The following NUP133 variants were observed in gnomAD, a reference collection of about 807,000 sequenced individuals.
NUP133 encodes nuclear pore complex protein Nup133.
In NUP133, 66 loss-of-function variants were observed where a neutral mutation model predicts 146.2. The observed-to-expected ratio is 0.45, with a 90% CI of 0.37 to 0.55. NUP133 has a LOEUF of 0.55. NUP133 is among the 20% of genes least tolerant of loss of function. The pLI, the probability that NUP133 is intolerant of heterozygous loss-of-function variation, is 0.00. For synonymous variants in NUP133, 521 were observed against 498.8 expected (o/e 1.04, Z -0.59); for missense variants, 1,277 against 1,374.8 (o/e 0.93, Z 1.12).
At position 229,450,546 on chromosome 1, in the gene NUP133, G is replaced by A; in HGVS notation, c.3159C>T (p.Asp1053=). ...TTACCTCATCAATATATTCCAACAA[G>A]TCCAAAGCTTTCTTGAAATCATATT... ...ANEYDFKKAL[D]LLEYIDEEED... The change falls in exon 23 of 26, where the codon GAC becomes GAT. Residue 1053 remains aspartate (D), a synonymous_variant. Transcript: ENST00000261396. The A allele has an allele frequency of 3.2e-6, 5 of 1,584,978 alleles. No individual in the cohort carries two copies. The highest frequency in any genetic ancestry group is 4.3e-6 in the Non-Finnish European group (5 of 1,158,896).
At chr1:229,485,975 C>A (rs12083553) in intron 11 of NUP133, among the ~76,000 whole-genome samples, 3,693 of 152,110 alleles carry the variant, frequency 0.024, 148 homozygotes, top group African/African-American at 0.083. Flanking sequence ...CCAGCCTAGG[C>A]AACATAAGGA....
intron 18 of NUP133, among the ~76,000 whole-genome samples, 187 bp downstream of exon 18, chr1:229,464,437 T>C (rs906014149): frequency 6.6e-6 from 1 of 152,246 alleles, no homozygotes; most frequent in African/African-American, 2.4e-5. Context: ...GTATCATCTA[T>C]GGTACTTATA....
intron 2 of NUP133, 82 bp downstream of exon 2, chr1:229,505,958 G>A: frequency 1.2e-6 from 1 of 809,678 alleles, no homozygotes; most frequent in South Asian, 1.5e-5. Flanking sequence ...GTATACTAGA[G>A]AAAACATAAA....
chr1:229,500,747 G>C lies in NUP133; in HGVS notation c.513+9C>G. ...AAAGTTTATTTAAATAAGCTTTTAA[G>C]TCACCTACCTGAGTAGAATGTGCTT... On this transcript the variant is annotated intron_variant, in intron 4 of 25. Coordinates refer to ENST00000261396, the MANE Select transcript of NUP133 (RefSeq NM_018230.3). The C allele has an allele frequency of 1.9e-6, 3 of 1,560,472 alleles. No individual in the cohort carries two copies. Among genetic ancestry groups the C allele is most frequent in the Non-Finnish European group, 2.6e-6 (3 of 1,137,824 alleles).
chr1:229,504,670 G>T (rs1403854258), intron 2 of NUP133, among the ~76,000 whole-genome samples: 1 of 152,084 alleles, frequency 6.6e-6, no homozygotes, highest in South Asian at 2.1e-4. Flanking sequence ...CCAGTTTTGG[G>T]GTTTCACGGG....
At chr1:229,502,201 T>A in intron 2 of NUP133, 99 bp from the exon 3 acceptor site, 3 of 799,390 alleles carry the variant, frequency 3.8e-6, no homozygotes, top group Non-Finnish European at 2.1e-6. Flanking sequence ...CAGAAACGAC[T>A]ACCTCACAAC....
Position 229,441,360 on chromosome 1 carries a change from T to G in NUP133, c.*544A>C. On this transcript the variant is annotated 3_prime_UTR_variant, in exon 26 of 26. Transcript: ENST00000261396. ...GTTTAAAATGCTCCCAATGAGTTCA[T>G]CAGTTATCAAGCTCACATGAGTTAG... 1 of 524,790 alleles carries G rather than the reference T, an allele frequency of 1.9e-6. No individual in the cohort carries two copies. The highest frequency in any genetic ancestry group is 1.4e-5 in the South Asian group (1 of 69,656). The allele number at this position is 524,790 out of a possible 1,614,324, so 32.5% of individuals were successfully genotyped here. A position where few individuals can be genotyped will look rare whatever the true frequency, so the allele number is the denominator to read the frequency against.
chr1:229,448,000 T>C (rs1413269352), intron 24 of NUP133, among the ~76,000 whole-genome samples: 1 of 151,732 alleles, frequency 6.6e-6, no homozygotes, highest in Non-Finnish European at 1.5e-5. Context: ...ACCAAGAGAG[T>C]GGTCTCTAGT....
chr1:229,465,232 A>T (rs576966514), intron 17 of NUP133, among the ~76,000 whole-genome samples, 188 bp downstream of exon 17: 1 of 152,364 alleles, frequency 6.6e-6, no homozygotes, highest in South Asian at 2.1e-4. Flanking sequence ...TTGAATACAT[A>T]AATTATAGAG....
intron 12 of NUP133, among the ~76,000 whole-genome samples, chr1:229,483,390 C>A (rs917073189): frequency 6.6e-6 from 1 of 152,096 alleles, no homozygotes; most frequent in Non-Finnish European, 1.5e-5. Context: ...TGTGAGCCAC[C>A]ACACCAGGCC....
chr1:229,491,887 C>G (rs1264312981), intron 8 of NUP133, among the ~76,000 whole-genome samples: 1 of 152,204 alleles, frequency 6.6e-6, no homozygotes, highest in Non-Finnish European at 1.5e-5. Flanking sequence ...CAAGACCAAA[C>G]AGGGCAACCC....
chr1:229,477,430 G>A (rs1272783838), intron 13 of NUP133, among the ~76,000 whole-genome samples, 167 bp downstream of exon 13: 1 of 136,766 alleles, frequency 7.3e-6, no homozygotes, highest in Non-Finnish European at 1.5e-5. Context: ...ACAGAGCCTT[G>A]CTCTGTCTCA....
intron 12 of NUP133, among the ~76,000 whole-genome samples, chr1:229,478,842 A>G (rs1020787704): frequency 2.0e-5 from 3 of 152,358 alleles, no homozygotes; most frequent in South Asian, 4.1e-4. Flanking sequence ...AGTCTGTTCC[A>G]GTGTCCCAAA....
rs559486035 is a variant in NUP133 at position 229,470,808 on chromosome 1, G to A, written c.1852-4C>T. The stretch of plus-strand genomic sequence containing the variant: ...CTAGACGTCCAAATAAGCCAACCTT[G>A]CAAAAAGGCAAACACATATTCTCAG... On this transcript the variant is annotated splice_region_variant and splice_polypyrimidine_tract_variant and intron_variant, in intron 14 of 25. Transcript: ENST00000261396. 4 of 1,611,210 alleles carry A rather than the reference G, an allele frequency of 2.5e-6. No individual in the cohort carries two copies. The East Asian group carries it at 8.9e-5, about 36-fold the overall frequency.
At chr1:229,489,569 C>T (rs1020538247) in intron 9 of NUP133, among the ~76,000 whole-genome samples, 5 of 152,186 alleles carry the variant, frequency 3.3e-5, no homozygotes, top group African/African-American at 7.2e-5. Context: ...AAATCTGTCA[C>T]GAAATTTGAC....
rs372362492 is a variant in NUP133, at chr1:229,472,707, C to CATATATATAT, written c.1852-1913_1852-1904dup. Among the ~76,000 whole-genome samples, 52 of 124,292 alleles carry CATATATATAT rather than the reference C, an allele frequency of 4.2e-4. 3 individuals are homozygous for CATATATATAT. Among genetic ancestry groups the CATATATATAT allele is most frequent in the Middle Eastern group, 4.5e-3 (1 of 222 alleles). 81.5% of individuals were successfully genotyped at this position (124,292 alleles called of 152,430 possible). ...CAAAAAAATTAAAAAACTAAATATACATATATATATATATATATATGTACA... is the reference window on the plus strand; with the variant it reads ...CAAAAAAATTAAAAAACTAAATATACATATATATATATATATATATATATATATATGTACA... On this transcript the variant is annotated intron_variant, in intron 14 of 25. Transcript: ENST00000261396.
Position 229,464,771 on chromosome 1 carries a change from T to C in NUP133, c.2404A>G (p.Thr802Ala). 1 of 1,614,220 alleles carries C rather than the reference T, an allele frequency of 6.2e-7. No homozygotes were observed. Among genetic ancestry groups the C allele is most frequent in the Non-Finnish European group, 8.5e-7 (1 of 1,180,040 alleles). ...QADSNLRNIVTEQLVALIDCF... is the reference protein window; with the variant it reads ...QADSNLRNIVAEQLVALIDCF... ...TCGATCAGGGCTACCAGCTGCTCGG[T>C]CACGATGTTTCGGAGGTTGCTGTCT... Residue 802 changes from threonine to alanine, a missense_variant, in exon 18 of 26, where the codon ACC (threonine) becomes GCC (alanine). Physicochemically the swap from Thr to Ala is moderately conservative, Grantham distance 58. Around this residue, in one of 3 missense-constraint regions of NUP133, gnomAD observed 952 missense variants for 1,047.0 expected, o/e 0.91. Coordinates refer to ENST00000261396, the MANE Select transcript of NUP133 (RefSeq NM_018230.3).
rs1660183059 is a variant in NUP133 at position 229,441,570 on chromosome 1, T to C, written c.*334A>G. The C allele has an allele frequency of 2.3e-6, 1 of 438,198 alleles. No individual in the cohort carries two copies. The highest frequency in any genetic ancestry group is 4.6e-6 in the Non-Finnish European group (1 of 215,748). The allele number at this position is 438,198 out of a possible 1,614,324, so 27.1% of individuals were successfully genotyped here. A position where few individuals can be genotyped will look rare whatever the true frequency, so the allele number is the denominator to read the frequency against. ...TAGTGCAATCTAGTAATTTTCATAG[T>C]CGCAGAAACTGAGGCCTAGAAGTGA... On this transcript the variant is annotated 3_prime_UTR_variant, in exon 26 of 26. Transcript: ENST00000261396.
chr1:229,475,584 T>C, intron 14 of NUP133, 54 bp downstream of exon 14: 1 of 1,282,524 alleles, frequency 7.8e-7, no homozygotes, highest in African/African-American at 1.5e-5. Flanking sequence ...CTTCCCACTG[T>C]GTTGGAGAGA....
Sources: allele counts gnomAD v4.1 joint callset (sites outside exome capture counted in the v4.1 genomes callset), GRCh38; gene constraint gnomAD v4.1.1; regional missense constraint gnomAD v4.1.1; transcripts MANE v1.5; gene names NCBI Gene and HGNC (gene_info 2026-07-23, HGNC 2026-07-21).